The following PYGL variants were observed in gnomAD, a reference collection of about 807,000 sequenced individuals.
PYGL encodes glycogen phosphorylase, liver form.
A neutral mutation model predicts 100.1 loss-of-function variants in PYGL; 90 were observed. That is an observed-to-expected ratio of 0.90 (90% CI 0.76 to 1.07). The LOEUF is 1.07. Among genes scored for constraint, PYGL ranks in the 50% least tolerant of loss-of-function variants. PYGL has a pLI of 0.00. For synonymous variants in PYGL, 373 were observed against 393.0 expected (o/e 0.95, Z 0.60); for missense variants, 1,016 against 1,057.6 (o/e 0.96, Z 0.55).
At chr14:50,924,398 A>G (rs1236757715) in intron 4 of PYGL, among the ~76,000 whole-genome samples, 2 of 152,214 alleles carry the variant, frequency 1.3e-5, no homozygotes, top group South Asian at 2.1e-4. Context: ...AACGATAGAG[A>G]TAAGATCTGC....
chr14:50,921,222 G>A lies in PYGL; in HGVS notation c.661-155C>T, dbSNP rs2139179252. On this transcript the variant is annotated intron_variant, in intron 5 of 19. Coordinates refer to ENST00000216392, the MANE Select transcript of PYGL (RefSeq NM_002863.5). ...AAATGGAGAAGAGGGTCTCAGGGCT[G>A]CAGAGGGTATTAGAGGAACATGTGG... The A allele has an allele frequency of 1.7e-5, 11 of 643,860 alleles. 1 individual carries two copies. The South Asian group carries it at 1.8e-4, about 10-fold the overall frequency. 39.9% of individuals were successfully genotyped at this position (643,860 alleles called of 1,614,324 possible). A position where few individuals can be genotyped will look rare whatever the true frequency, so the allele number is the denominator to read the frequency against.
chr14:50,942,476 G>C (rs1051958780), intron 1 of PYGL, among the ~76,000 whole-genome samples: 2 of 140,308 alleles, frequency 1.4e-5, no homozygotes, highest in Non-Finnish European at 3.1e-5. Context: ...AATTTTTAAT[G>C]AGAGGCGCAG....
At position 50,926,800 on chromosome 14, in the gene PYGL, A is replaced by G. The variant is rs145664642; in HGVS notation, c.529-2700T>C. Reference sequence around the variant, plus strand: ...TTCATAACTAGAAATGCTATAATAAATAAAATGATGACATCAACAAAGGAT... The same window carrying G: ...TTCATAACTAGAAATGCTATAATAAGTAAAATGATGACATCAACAAAGGAT... On this transcript the variant is annotated intron_variant, in intron 4 of 19. Coordinates refer to ENST00000216392, the MANE Select transcript of PYGL (RefSeq NM_002863.5). Among the ~76,000 whole-genome samples the G allele has an allele frequency of 2.6e-5, 4 of 152,142 alleles. No individual in the cohort carries two copies. The East Asian group carries it at 5.8e-4, about 22-fold the overall frequency.
intron 17 of PYGL, 132 bp from the exon 18 acceptor site, chr14:50,909,087 A>G: frequency 2.0e-6 from 2 of 1,008,636 alleles, no homozygotes; most frequent in East Asian, 2.5e-5. Flanking sequence ...ACTTCATTAT[A>G]GATTTCACCA....
chr14:50,916,545 TA>T, intron 9 of PYGL, 96 bp downstream of exon 9: 2 of 1,122,766 alleles, frequency 1.8e-6, no homozygotes, highest in Non-Finnish European at 2.7e-6. Flanking sequence ...TTAGCAACAA[TA>T]ACTTACTTTG....
intron 19 of PYGL, 65 bp downstream of exon 19, chr14:50,908,203 TAAA>T: frequency 7.4e-7 from 1 of 1,351,684 alleles, no homozygotes; most frequent in Non-Finnish European, 1.1e-6. Flanking sequence ...TGCATTTAAT[TAAA>T]AAACCCACAT....
At chr14:50,905,805 A>G (rs2050329467) in intron 19 of PYGL, among the ~76,000 whole-genome samples, 1 of 152,252 alleles carries the variant, frequency 6.6e-6, no homozygotes, top group South Asian at 2.1e-4. Flanking sequence ...ATGGATGTAC[A>G]TTGCCTAGTT....
At chr14:50,928,166 G>A (rs1403285404) in intron 4 of PYGL, among the ~76,000 whole-genome samples, 1 of 152,186 alleles carries the variant, frequency 6.6e-6, no homozygotes, top group Non-Finnish European at 1.5e-5. Flanking sequence ...GTCCCAGCCA[G>A]CAGGGATGGA....
intron 2 of PYGL, among the ~76,000 whole-genome samples, chr14:50,936,269 A>T (rs1415583686): frequency 6.6e-6 from 1 of 152,278 alleles, no homozygotes; most frequent in Middle Eastern, 3.4e-3. Flanking sequence ...ACATTTGAAG[A>T]CATATGTGGA....
chr14:50,907,817 G>A (rs987510792), intron 19 of PYGL, among the ~76,000 whole-genome samples: 1 of 151,994 alleles, frequency 6.6e-6, no homozygotes, highest in African/African-American at 2.4e-5. Flanking sequence ...AGGCAGAGGC[G>A]GGTGAATCAC....
intron 5 of PYGL, among the ~76,000 whole-genome samples, chr14:50,922,101 T>A (rs2050508245): frequency 6.6e-6 from 1 of 152,198 alleles, no homozygotes; most frequent in South Asian, 2.1e-4. Context: ...GAGAAATCAT[T>A]CATTTTTATT....
chr14:50,937,806 A>G lies in PYGL; in HGVS notation c.275T>C (p.Met92Thr), dbSNP rs767745350. The change falls in exon 2 of 20, where the codon ATG becomes ACG. Residue 92 changes from methionine to threonine, a missense_variant. Coordinates refer to ENST00000216392, the MANE Select transcript of PYGL (RefSeq NM_002863.5). Reference sequence around the variant, plus strand: ...CATGGTGTTCTGTAATGTTCGGCCCATGTAAAATTCCAGAGAGAGGTAATA... The same window carrying G: ...CATGGTGTTCTGTAATGTTCGGCCCGTGTAAAATTCCAGAGAGAGGTAATA... ...RVYYLSLEFY[M>T]GRTLQNTMIN... 2.5e-6 allele frequency: 4 copies of G among 1,613,960 alleles called. No homozygotes were observed. In the African/African-American group the frequency reaches 4.0e-5, roughly 16 times the overall value.
At chr14:50,908,167 C>A in intron 19 of PYGL, 104 bp downstream of exon 19, 1 of 808,686 alleles carries the variant, frequency 1.2e-6, no homozygotes, top group Non-Finnish European at 2.0e-6. Flanking sequence ...TAATGGGGAT[C>A]TGATATTACA....
At chr14:50,915,189 T>TG in intron 11 of PYGL, 147 bp downstream of exon 11, 1 of 1,025,278 alleles carries the variant, frequency 9.8e-7, no homozygotes, top group Non-Finnish European at 1.4e-6. Flanking sequence ...TTTTTTTTTT[T>TG]TAGGCAAGAG....
rs1484727877 is a variant in PYGL at position 50,944,294 on chromosome 14, T to A, written c.110A>T (p.His37Leu). 2 of 1,613,990 alleles carry A rather than the reference T, an allele frequency of 1.2e-6. No homozygotes were observed. Among genetic ancestry groups the A allele is most frequent in the East Asian group, 4.5e-5 (2 of 44,882 alleles). Residue 37 changes from histidine (H) to leucine (L), a missense_variant, in exon 1 of 20, where the codon CAC becomes CTC. Physicochemically the swap from His to Leu is moderately conservative, Grantham distance 99 (BLOSUM62 -3). Coordinates refer to ENST00000216392, the MANE Select transcript of PYGL (RefSeq NM_002863.5). ...GTTGCGGTCCTTGACCAGCGTGAAG[T>A]GCAGGTGCCGGTTGAAACTCTTCTT... ...ELKKSFNRHLHFTLVKDRNVA... is the reference protein window; with the variant it reads ...ELKKSFNRHLLFTLVKDRNVA...
rs2050375728 is a variant in PYGL at position 50,909,954 on chromosome 14, T to C, written c.2118A>G (p.Glu706=). 5 of 1,614,216 alleles carry C rather than the reference T, an allele frequency of 3.1e-6. No homozygotes were observed. Among genetic ancestry groups the C allele is most frequent in the Non-Finnish European group, 4.2e-6 (5 of 1,180,038 alleles). Residue 706 remains glutamate (E), a synonymous_variant, in exon 17 of 20, where the codon GAA becomes GAG. Transcript: ENST00000216392. ...ANVEMAEEAG[E]ENLFIFGMRI... is the part of the protein sequence containing the mutation. ...TCATGCCAAAGATGAACAGGTTCTC[T>C]TCCCCAGCTTCTTCTGCCATTTCCA...
At chr14:50,926,651 G>T (rs908807024) in intron 4 of PYGL, among the ~76,000 whole-genome samples, 8 of 144,476 alleles carry the variant, frequency 5.5e-5, no homozygotes, top group African/African-American at 2.1e-4. Flanking sequence ...ACTTGAACCT[G>T]GGAGGCAGAG....
intron 19 of PYGL, among the ~76,000 whole-genome samples, chr14:50,906,271 C>A (rs776581533): frequency 3.3e-5 from 5 of 152,222 alleles, no homozygotes; most frequent in South Asian, 2.1e-4. Flanking sequence ...GAACATTATT[C>A]AAAAATGTTA....
At position 50,942,403 on chromosome 14, in the gene PYGL, C is replaced by T. The variant is rs998213289; in HGVS notation, c.243+1758G>A. Among the ~76,000 whole-genome samples the T allele has an allele frequency of 1.4e-5, 2 of 140,124 alleles. 1 individual carries two copies. The highest frequency in any genetic ancestry group is 3.1e-5 in the Non-Finnish European group (2 of 63,614). 91.9% of individuals were successfully genotyped at this position (140,124 alleles called of 152,430 possible). A position where few individuals can be genotyped will look rare whatever the true frequency, so the allele number is the denominator to read the frequency against. Reference sequence around the variant, plus strand: ...TCTATGATGCTAAATGCTACAGAGGCGTGAGTGTGTGTTTCTAATATATGC... The same window carrying T: ...TCTATGATGCTAAATGCTACAGAGGTGTGAGTGTGTGTTTCTAATATATGC... On this transcript the variant is annotated intron_variant, in intron 1 of 19. Transcript: ENST00000216392.
Sources: gnomAD v4.1 joint callset for allele counts (sites outside exome capture counted in the v4.1 genomes callset) on GRCh38, gnomAD v4.1.1 for gene constraint, MANE v1.5 for transcripts, NCBI Gene and HGNC (gene_info 2026-07-23, HGNC 2026-07-21) for gene names.